HYCC1: variants seen among roughly 807,000 people sequenced by gnomAD.
HYCC1 encodes hyccin.
chr7:22,937,522 C>T, the HYCC1 span: 3 of 152,240 alleles, frequency 2.0e-5, no homozygotes, highest in South Asian at 6.2e-4. Context: ...TGCAGGCATG[C>T]TTAAAATAAT....
the HYCC1 span, chr7:22,945,771 C>T: frequency 6.2e-7 from 1 of 1,613,782 alleles, no homozygotes; most frequent in Non-Finnish European, 8.5e-7. Flanking sequence ...TTATGTGGGA[C>T]TGTGACACCA....
chr7:22,945,677 T>C, the HYCC1 span: 9 of 1,613,846 alleles, frequency 5.6e-6, no homozygotes, highest in Non-Finnish European at 7.6e-6. Flanking sequence ...TTCTGAAACG[T>C]AAATAAGCTT....
the HYCC1 span, among the ~76,000 whole-genome samples, chr7:22,995,078 C>T: frequency 2.0e-5 from 3 of 152,132 alleles, no homozygotes; most frequent in Non-Finnish European, 4.4e-5. Context: ...TGCAAGCTTA[C>T]CAAATAGTGA....
At chr7:23,000,885 G>A in the HYCC1 span, among the ~76,000 whole-genome samples, 1 of 150,856 alleles carries the variant, frequency 6.6e-6, no homozygotes, top group African/African-American at 2.4e-5. Context: ...CTTTCCTTGT[G>A]AAAATTTAAC....
chr7:23,011,321 C>A, the HYCC1 span, among the ~76,000 whole-genome samples: 1 of 152,208 alleles, frequency 6.6e-6, no homozygotes, highest in Admixed American at 6.5e-5. Context: ...ATTTTCACAT[C>A]CACAGATACA....
the HYCC1 span, among the ~76,000 whole-genome samples, chr7:22,905,517 G>A: frequency 6.8e-6 from 1 of 147,792 alleles, no homozygotes; most frequent in African/African-American, 2.5e-5. Flanking sequence ...TTACAGGCAT[G>A]AGCCACCGAT....
At chr7:22,908,937 T>C in the HYCC1 span, among the ~76,000 whole-genome samples, 1 of 152,158 alleles carries the variant, frequency 6.6e-6, no homozygotes, top group Non-Finnish European at 1.5e-5. Flanking sequence ...TGAGCCCCAA[T>C]AAAAACTCTG....
At chr7:22,929,785 G>A in the HYCC1 span, among the ~76,000 whole-genome samples, 22 of 152,274 alleles carry the variant, frequency 1.4e-4, 1 homozygote, top group South Asian at 3.9e-3. Context: ...TCAGTGTGGC[G>A]ATTCCTCAAG....
the HYCC1 span, among the ~76,000 whole-genome samples, chr7:22,919,787 TAA>T: frequency 3.3e-5 from 5 of 151,732 alleles, no homozygotes; most frequent in East Asian, 5.8e-4. Flanking sequence ...GAAGAAAAAT[TAA>T]AAGAGTCCCA....
chr7:22,948,353 T>C, the HYCC1 span, among the ~76,000 whole-genome samples: 3 of 152,190 alleles, frequency 2.0e-5, no homozygotes, highest in Non-Finnish European at 4.4e-5. Context: ...TAACAGGTAG[T>C]AAAAGAACAA....
At chr7:22,997,388 T>C in the HYCC1 span, among the ~76,000 whole-genome samples, 1 of 152,174 alleles carries the variant, frequency 6.6e-6, no homozygotes. Flanking sequence ...TTATGAAGCT[T>C]AAGTTTCTAT....
chr7:22,967,934 C>G, the HYCC1 span, among the ~76,000 whole-genome samples: 202 of 152,236 alleles, frequency 1.3e-3, no homozygotes, highest in African/African-American at 4.5e-3. Context: ...ATGCCACCAT[C>G]CCTATCTTCT....
chr7:23,008,952 T>A, the HYCC1 span, among the ~76,000 whole-genome samples: 12 of 152,178 alleles, frequency 7.9e-5, 1 homozygote, highest in South Asian at 2.3e-3. Context: ...TAGTGAGGTA[T>A]CATAAAAGAA....
chr7:22,970,775 T>G, the HYCC1 span, among the ~76,000 whole-genome samples: 3 of 152,190 alleles, frequency 2.0e-5, no homozygotes, highest in Non-Finnish European at 2.9e-5. Context: ...CCATATACCC[T>G]TCACTGAATT....
At chr7:22,945,000 T>C in the HYCC1 span, 1 of 153,748 alleles carries the variant, frequency 6.5e-6, no homozygotes. Context: ...CAAATTGTTC[T>C]AATCATAAAG....
the HYCC1 span, among the ~76,000 whole-genome samples, chr7:22,988,716 C>G: frequency 6.6e-6 from 1 of 152,166 alleles, no homozygotes; most frequent in Non-Finnish European, 1.5e-5. Flanking sequence ...TCTTGGCTTT[C>G]GCTGTTCCAT....
chr7:22,958,609 C>T, the HYCC1 span, among the ~76,000 whole-genome samples: 2 of 152,092 alleles, frequency 1.3e-5, no homozygotes, highest in African/African-American at 4.8e-5. Flanking sequence ...AGAAACAATA[C>T]ATTCAAGCAG....
At chr7:22,901,466 T>C in the HYCC1 span, among the ~76,000 whole-genome samples, 13 of 152,056 alleles carry the variant, frequency 8.5e-5, no homozygotes, top group Non-Finnish European at 1.8e-4. Context: ...ATAAAGAACA[T>C]AGCCTAACTA....
At chr7:22,939,596 G>C in the HYCC1 span, 1 of 152,142 alleles carries the variant, frequency 6.6e-6, no homozygotes, top group Non-Finnish European at 1.5e-5. Context: ...AGAACACTTT[G>C]ATTTTATCTT....
Sources: allele counts gnomAD v4.1 joint callset (sites outside exome capture counted in the v4.1 genomes callset), GRCh38; gene constraint gnomAD v4.1.1; transcripts MANE v1.5; gene names NCBI Gene and HGNC (gene_info 2026-07-23, HGNC 2026-07-21).